DCC: variants seen among roughly 807,000 people sequenced by gnomAD.
DCC encodes netrin receptor DCC.
In DCC, 58 loss-of-function variants were observed where a neutral mutation model predicts 172.5. The ratio of observed to expected loss-of-function variants is 0.34; its 90% CI spans 0.27 to 0.42. DCC has a LOEUF of 0.42. DCC is among the 10% of genes least tolerant of loss of function. DCC has a pLI of 1.00. For missense variants in DCC, 1,740 were observed against 1,791.0 expected, an observed-to-expected ratio of 0.97 and a Z score of 0.51; for synonymous variants, 709 against 644.5, an observed-to-expected ratio of 1.10 and a Z score of -1.52.
At chr18:53,439,256 A>G (rs1314233835) in intron 22 of DCC, among the ~76,000 whole-genome samples, 1 of 152,178 alleles carries the variant, frequency 6.6e-6, no homozygotes, top group Non-Finnish European at 1.5e-5. Context: ...TTCTAATTAA[A>G]TTTTTGCTAA....
chr18:53,414,120 A>T (rs1398909824), intron 20 of DCC, among the ~76,000 whole-genome samples: 1 of 152,238 alleles, frequency 6.6e-6, no homozygotes, highest in Non-Finnish European at 1.5e-5. Flanking sequence ...GATTAAATTA[A>T]ATGGCTGGTA....
intron 5 of DCC, among the ~76,000 whole-genome samples, chr18:52,968,411 C>T (rs569481112): frequency 6.6e-6 from 1 of 152,224 alleles, no homozygotes; most frequent in Admixed American, 6.5e-5. Flanking sequence ...TGTCACAGGG[C>T]TTGGTGGTGG....
intron 1 of DCC, among the ~76,000 whole-genome samples, chr18:52,670,587 C>G (rs1302756769): frequency 2.0e-5 from 3 of 152,118 alleles, no homozygotes; most frequent in East Asian, 3.9e-4. Flanking sequence ...CGCCTGTAAT[C>G]CCAGCACTTT....
At chr18:52,598,945 A>G (rs2033962586) in intron 1 of DCC, among the ~76,000 whole-genome samples, 1 of 152,164 alleles carries the variant, frequency 6.6e-6, no homozygotes, top group Non-Finnish European at 1.5e-5. Flanking sequence ...AACTTCCTCT[A>G]TCAAGCTCTT....
At chr18:53,502,442 T>C (rs907710775) in intron 27 of DCC, among the ~76,000 whole-genome samples, 2 of 152,230 alleles carry the variant, frequency 1.3e-5, no homozygotes, top group African/African-American at 2.4e-5. Context: ...AATGTTTACT[T>C]ATTCTGATAG....
chr18:52,928,443 T>TA (rs761108509), intron 5 of DCC, among the ~76,000 whole-genome samples: 8 of 152,070 alleles, frequency 5.3e-5, no homozygotes. Context: ...AAATAAAAGT[T>TA]TAAAAAATTG....
chr18:53,361,587 A>T (rs537373584), intron 15 of DCC, among the ~76,000 whole-genome samples: 1 of 152,290 alleles, frequency 6.6e-6, no homozygotes, highest in East Asian at 1.9e-4. Context: ...TACCTCAGCT[A>T]TCCGAAAGAA....
intron 7 of DCC, among the ~76,000 whole-genome samples, chr18:53,085,167 C>G (rs918504360): frequency 1.3e-5 from 2 of 152,158 alleles, no homozygotes; most frequent in Non-Finnish European, 2.9e-5. Context: ...GAATTGCCCT[C>G]AGGTTCTGAA....
intron 1 of DCC, among the ~76,000 whole-genome samples, chr18:52,437,490 CAACCTCAA>C (rs1198199903): frequency 6.6e-6 from 1 of 152,090 alleles, no homozygotes; most frequent in Non-Finnish European, 1.5e-5. Context: ...GGTTGAGGGG[CAACCTCAA>C]AAGAGAGACA....
chr18:52,787,254 T>A (rs1229500855), intron 2 of DCC, among the ~76,000 whole-genome samples: 1 of 152,178 alleles, frequency 6.6e-6, no homozygotes, highest in African/African-American at 2.4e-5. Flanking sequence ...GTCCCATACA[T>A]TCTTTCTCTA....
chr18:53,144,561 C>T lies in DCC; in HGVS notation c.1262-12795C>T, dbSNP rs531027481. 4.6e-5 allele frequency among the ~76,000 whole-genome samples: 7 copies of T among 152,178 alleles called. No individual in the cohort carries two copies. In the East Asian group the frequency reaches 1.2e-3, roughly 25 times the overall value. ...TCATGAAAACAGCATGGGAAAGACC[C>T]GCCCCCATGATTCAATTACCTCCCA... On this transcript the variant is annotated intron_variant, in intron 7 of 28. Coordinates refer to ENST00000442544, the MANE Select transcript of DCC (RefSeq NM_005215.4).
chr18:52,969,352 A>G (rs1022862894), intron 5 of DCC, among the ~76,000 whole-genome samples: 1 of 152,080 alleles, frequency 6.6e-6, no homozygotes, highest in African/African-American at 2.4e-5. Flanking sequence ...TGAATTCCTT[A>G]TATTAGCAAA....
intron 1 of DCC, among the ~76,000 whole-genome samples, chr18:52,585,725 T>C (rs2033653520): frequency 6.6e-6 from 1 of 152,214 alleles, no homozygotes; most frequent in African/African-American, 2.4e-5. Flanking sequence ...AACCTAATCA[T>C]ACAATTCCCT....
chr18:52,652,117 A>G (rs1476560866), intron 1 of DCC, among the ~76,000 whole-genome samples: 1 of 152,224 alleles, frequency 6.6e-6, no homozygotes, highest in Non-Finnish European at 1.5e-5. Flanking sequence ...TTGACACACC[A>G]GGCTTAGGCT....
intron 15 of DCC, among the ~76,000 whole-genome samples, chr18:53,375,389 G>C (rs1309727748): frequency 3.9e-5 from 6 of 152,244 alleles, no homozygotes; most frequent in South Asian, 2.1e-4. Context: ...AAAGGAAATG[G>C]GAAGAGGAAG....
intron 1 of DCC, among the ~76,000 whole-genome samples, chr18:52,545,976 T>A (rs1054415921): frequency 6.6e-6 from 1 of 152,340 alleles, no homozygotes; most frequent in Admixed American, 6.5e-5. Context: ...GTACCACCAA[T>A]GCCCGTCATT....
intron 7 of DCC, among the ~76,000 whole-genome samples, chr18:53,111,301 A>G (rs1258904061): frequency 6.7e-6 from 1 of 150,170 alleles, no homozygotes; most frequent in African/African-American, 2.4e-5. Flanking sequence ...CTAATGCTAA[A>G]TGACAAGTTA....
At chr18:52,779,715 TGAG>T (rs1486779120) in intron 2 of DCC, among the ~76,000 whole-genome samples, 1 of 152,176 alleles carries the variant, frequency 6.6e-6, no homozygotes, top group Non-Finnish European at 1.5e-5. Context: ...TCTAGATCCT[TGAG>T]GAATCACCAC....
chr18:53,024,901 T>C (rs1287560652), intron 5 of DCC, among the ~76,000 whole-genome samples: 1 of 152,172 alleles, frequency 6.6e-6, no homozygotes, highest in African/African-American at 2.4e-5. Context: ...TACCTGTGTA[T>C]ACCTCTTTGA....
Sources: allele counts gnomAD v4.1 joint callset (sites outside exome capture counted in the v4.1 genomes callset), GRCh38; gene constraint gnomAD v4.1.1; transcripts MANE v1.5; gene names NCBI Gene and HGNC (gene_info 2026-07-23, HGNC 2026-07-21).